The following CNBD1 variants were observed in gnomAD, a reference collection of about 807,000 sequenced individuals.
CNBD1 encodes cyclic nucleotide-binding domain-containing protein 1.
In CNBD1, 71 loss-of-function variants were observed where a neutral mutation model predicts 54.4. The observed-to-expected ratio is 1.30, with a 90% confidence interval of 1.08 to 1.59. CNBD1 has a LOEUF of 1.59. CNBD1 is among the 40% of genes most tolerant of loss of function. The pLI is 0.00. For missense variants in CNBD1, 659 were observed against 518.0 expected (o/e 1.27, Z -2.64); for synonymous variants, 182 against 170.7 (o/e 1.07, Z -0.51).
chr8:87,047,686 T>A (rs977094866), intron 4 of CNBD1, among the ~76,000 whole-genome samples: 15 of 152,180 alleles, frequency 9.9e-5, no homozygotes, highest in African/African-American at 3.6e-4. Flanking sequence ...GCAAAATAAT[T>A]CCTGCAAGTA....
chr8:87,326,876 C>A (rs1243494827), intron 8 of CNBD1, among the ~76,000 whole-genome samples: 1 of 90,710 alleles, frequency 1.1e-5, no homozygotes, highest in Non-Finnish European at 2.3e-5. Context: ...GGAGGAGAGG[C>A]GCTCTGCGTT....
intron 6 of CNBD1, among the ~76,000 whole-genome samples, chr8:87,245,949 T>C (rs116932734): frequency 1.3e-5 from 2 of 152,106 alleles, no homozygotes; most frequent in African/African-American, 4.8e-5. Context: ...GTACATACTA[T>C]ATGCCCATTT....
intron 8 of CNBD1, among the ~76,000 whole-genome samples, chr8:87,340,048 T>C (rs1412033977): frequency 1.3e-5 from 2 of 152,216 alleles, no homozygotes; most frequent in Non-Finnish European, 2.9e-5. Flanking sequence ...AAGGACTCCC[T>C]TTAGCATGTT....
chr8:87,239,889 AAG>A (rs1418405692), intron 6 of CNBD1, among the ~76,000 whole-genome samples: 10 of 152,118 alleles, frequency 6.6e-5, no homozygotes, highest in Admixed American at 3.9e-4. Context: ...TATATAAGGA[AAG>A]AGATAAAAAA....
chr8:87,147,903 A>G (rs1160018899), intron 4 of CNBD1, among the ~76,000 whole-genome samples: 1 of 152,088 alleles, frequency 6.6e-6, no homozygotes, highest in Non-Finnish European at 1.5e-5. Flanking sequence ...TTTTAGGAGT[A>G]TTTGTTACAG....
intron 4 of CNBD1, among the ~76,000 whole-genome samples, chr8:87,137,141 T>C (rs1490299951): frequency 1.4e-5 from 2 of 140,558 alleles, no homozygotes; most frequent in South Asian, 2.1e-4. Context: ...ATAAATTATA[T>C]ATATATTTTT....
At chr8:87,176,390 G>A (rs1350318088) in intron 4 of CNBD1, among the ~76,000 whole-genome samples, 1 of 152,040 alleles carries the variant, frequency 6.6e-6, no homozygotes, top group East Asian at 1.9e-4. Context: ...AATATCATCT[G>A]CCAAGGAATA....
intron 4 of CNBD1, among the ~76,000 whole-genome samples, chr8:87,000,461 G>A (rs1385085172): frequency 6.6e-6 from 1 of 152,070 alleles, no homozygotes; most frequent in Admixed American, 6.6e-5. Context: ...ATGGTCTCTG[G>A]AACCAGATAG....
chr8:87,223,227 A>T (rs1174485866), intron 5 of CNBD1, among the ~76,000 whole-genome samples: 7 of 143,920 alleles, frequency 4.9e-5, no homozygotes, highest in African/African-American at 8.0e-5. Flanking sequence ...TTTTTTTTTT[A>T]ATTTTTATTT....
intron 4 of CNBD1, among the ~76,000 whole-genome samples, chr8:87,050,564 G>C (rs1284504393): frequency 6.6e-6 from 1 of 152,194 alleles, no homozygotes; most frequent in Admixed American, 6.5e-5. Flanking sequence ...CAGGTTAGTT[G>C]GGCAGTCTGG....
At chr8:87,345,992 G>T (rs1490202136) in intron 8 of CNBD1, among the ~76,000 whole-genome samples, 1 of 151,984 alleles carries the variant, frequency 6.6e-6, no homozygotes, top group Non-Finnish European at 1.5e-5. Context: ...ACAGTTTCAT[G>T]GCCCTGATTA....
intron 2 of CNBD1, among the ~76,000 whole-genome samples, chr8:86,891,997 G>A (rs555208403): frequency 6.6e-6 from 1 of 151,914 alleles, no homozygotes; most frequent in African/African-American, 2.4e-5. Flanking sequence ...GATCCATATT[G>A]TCTGCAAATA....
At chr8:87,155,418 A>G (rs951265050) in intron 4 of CNBD1, among the ~76,000 whole-genome samples, 2 of 152,208 alleles carry the variant, frequency 1.3e-5, no homozygotes, top group African/African-American at 4.8e-5. Context: ...TGAGAAACCA[A>G]TCTAAAAGGA....
intron 4 of CNBD1, among the ~76,000 whole-genome samples, chr8:87,171,810 C>CT (rs34355764): frequency 1.9e-4 from 28 of 151,116 alleles, no homozygotes; most frequent in Admixed American, 7.9e-4. Context: ...GCTAATTTTT[C>CT]TTTTTTTTGC....
At chr8:87,395,645 G>A (rs182795833) in intron 2 of CNBD1, among the ~76,000 whole-genome samples, 2 of 151,904 alleles carry the variant, frequency 1.3e-5, no homozygotes, top group East Asian at 1.9e-4. Context: ...AGAGGGGGTG[G>A]TATCACAGGC....
intron 4 of CNBD1, among the ~76,000 whole-genome samples, chr8:87,084,042 A>C (rs1811051095): frequency 6.6e-6 from 1 of 152,192 alleles, no homozygotes; most frequent in African/African-American, 2.4e-5. Flanking sequence ...GGCTCAGAAT[A>C]AATCTCTTCA....
intron 4 of CNBD1, among the ~76,000 whole-genome samples, chr8:87,117,515 A>G (rs1676741300): frequency 6.6e-6 from 1 of 152,188 alleles, no homozygotes; most frequent in African/African-American, 2.4e-5. Flanking sequence ...GCCAAGAGAA[A>G]CTGAGAGCAG....
intron 10 of CNBD1, 129 bp downstream of exon 10, chr8:87,353,915 A>T (rs912172897): frequency 8.3e-6 from 5 of 600,772 alleles, no homozygotes; most frequent in Non-Finnish European, 1.4e-5. Context: ...AGGATGGAGT[A>T]TTTGCATAAT....
At chr8:87,172,531 T>G (rs1317910749) in intron 4 of CNBD1, among the ~76,000 whole-genome samples, 1 of 152,134 alleles carries the variant, frequency 6.6e-6, no homozygotes, top group East Asian at 1.9e-4. Context: ...TCTAATAATA[T>G]TTGCTTTATA....
Sources: gnomAD v4.1 joint callset for allele counts (sites outside exome capture counted in the v4.1 genomes callset) on GRCh38, gnomAD v4.1.1 for gene constraint, MANE v1.5 for transcripts, NCBI Gene and HGNC (gene_info 2026-07-23, HGNC 2026-07-21) for gene names.